The following ADGRE1 variants were observed in gnomAD, a reference collection of about 807,000 sequenced individuals.
ADGRE1 encodes the protein adhesion G protein-coupled receptor E1, also known as EGF-like module receptor 1.
Under a neutral mutation model 102.7 loss-of-function variants are expected in ADGRE1, and 82 were observed. The ratio of observed to expected loss-of-function variants is 0.80; its 90% CI spans 0.67 to 0.96. The LOEUF is 0.96. ADGRE1 is among the 40% of genes least tolerant of loss of function. ADGRE1 has a pLI of 0.00. For synonymous variants in ADGRE1, 398 were observed against 399.6 expected, an observed-to-expected ratio of 1.00 and a Z score of 0.05; for missense variants, 1,032 against 1,085.3, an observed-to-expected ratio of 0.95 and a Z score of 0.69.
rs200934502 is a variant in ADGRE1, at chr19:6,931,022, ATTCT to A, written c.2289+2816_2289+2819del. Among the ~76,000 whole-genome samples, 1,054 of 151,988 alleles carry A rather than the reference ATTCT, an allele frequency of 6.9e-3. 9 individuals carry two copies. The highest frequency in any genetic ancestry group is 0.025 in the African/African-American group (1,016 of 41,452). Reference sequence around the variant, plus strand: ...TGCTAACAAATACTAGATCTTATTCATTCTTTCTATTTTTTTGTACCCATTAACC... The same window carrying A: ...TGCTAACAAATACTAGATCTTATTCATTCTATTTTTTTGTACCCATTAACC... On this transcript the variant is annotated intron_variant, in intron 17 of 20. Transcript: ENST00000312053.
chr19:6,906,662 G>A (rs1341845370), intron 9 of ADGRE1, 141 bp downstream of exon 9: 3 of 675,888 alleles, frequency 4.4e-6, no homozygotes, highest in Non-Finnish European at 7.7e-6. Context: ...TCTGTAACCT[G>A]CTGAGTGTAA....
Position 6,926,402 on chromosome 19 carries a change from C to A in ADGRE1, c.2023C>A (p.Leu675Ile), listed in dbSNP as rs1599759556. The change falls in exon 16 of 21, where the codon CTT (leucine) becomes ATT (isoleucine). Residue 675 changes from leucine (L) to isoleucine (I), a missense_variant. Transcript: ENST00000312053. The stretch of plus-strand genomic sequence containing the variant: ...CATCATCGCGGGCTTCCTGCACTAC[C>A]TTTTCCTTGCCTGCTTCTTCTGGAT... Reference protein sequence around the residue: ...CAIIAGFLHYLFLACFFWMLV... With the variant: ...CAIIAGFLHYIFLACFFWMLV... 2 of 1,614,248 alleles carry A rather than the reference C, an allele frequency of 1.2e-6. No homozygotes were observed. The highest frequency in any genetic ancestry group is 1.7e-6 in the Non-Finnish European group (2 of 1,180,048).
At chr19:6,919,422 CT>C (rs1974536403) in intron 12 of ADGRE1, 125 bp from the exon 13 acceptor site, 5 of 602,310 alleles carry the variant, frequency 8.3e-6, no homozygotes, top group South Asian at 3.6e-5. Context: ...CTCTCTCTCT[CT>C]CTCTCCCCCT....
intron 10 of ADGRE1, among the ~76,000 whole-genome samples, chr19:6,912,843 A>T (rs562703627): frequency 6.6e-6 from 1 of 152,182 alleles, no homozygotes; most frequent in African/African-American, 2.4e-5. Flanking sequence ...CAGGAAGGGG[A>T]ATTGCTGTGT....
chr19:6,895,682 A>C (rs1392562154), intron 2 of ADGRE1: 2 of 152,148 alleles, frequency 1.3e-5, no homozygotes, highest in Admixed American at 1.3e-4. Context: ...TTGGGTAGCA[A>C]GGATCCAGAT....
chr19:6,915,028 C>A (rs1221742428), intron 11 of ADGRE1, among the ~76,000 whole-genome samples: 2 of 150,884 alleles, frequency 1.3e-5, no homozygotes, highest in African/African-American at 4.9e-5. Context: ...TTTCTTGAGA[C>A]AGGTTCTCAC....
At chr19:6,934,894 A>C (rs993165870) in intron 17 of ADGRE1, 93 bp from the exon 18 acceptor site, 4 of 800,726 alleles carry the variant, frequency 5.0e-6, no homozygotes, top group Non-Finnish European at 7.3e-6. Flanking sequence ...GACGTGAGCC[A>C]CCACGCCCAG....
rs1205108316 is a variant in ADGRE1 at position 6,934,410 on chromosome 19, CTTCTTCTTCTT to C, written c.2290-574_2290-564del. ...CTATAAATCGTGGGTCAGAATTCTT[CTTCTTCTTCTT>C]TTTTTTTTTTTTTTTTTTGAGACAC... On this transcript the variant is annotated intron_variant, in intron 17 of 20. Coordinates refer to ENST00000312053, the MANE Select transcript of ADGRE1 (RefSeq NM_001974.5). Among the ~76,000 whole-genome samples the C allele has an allele frequency of 2.1e-3, 297 of 139,528 alleles. 1 individual carries two copies. The South Asian group carries it at 0.023, about 11-fold the overall frequency. 91.5% of individuals were successfully genotyped at this position (139,528 alleles called of 152,430 possible).
In ADGRE1 at chr19:6,940,414, A is replaced by G. The variant is rs1975624501; in HGVS notation, c.*385A>G. 1 of 236,484 alleles carries G rather than the reference A, an allele frequency of 4.2e-6. No homozygotes were observed. Among genetic ancestry groups the G allele is most frequent in the Admixed American group, 5.0e-5 (1 of 19,860 alleles). The allele number at this position is 236,484 out of a possible 1,614,324, so 14.6% of individuals were successfully genotyped here. ...TACGCCTGATACAGAGAACCTCTCA[A>G]TAAATGATTTGTCGCCTGTCTGACT... On this transcript the variant is annotated 3_prime_UTR_variant, in exon 21 of 21. Coordinates refer to ENST00000312053, the MANE Select transcript of ADGRE1 (RefSeq NM_001974.5).
chr19:6,889,836 A>T (rs561224501), intron 1 of ADGRE1, among the ~76,000 whole-genome samples: 50 of 152,154 alleles, frequency 3.3e-4, no homozygotes, highest in African/African-American at 1.2e-3. Context: ...GCTTAAAAAG[A>T]TCTCTTCCTG....
chr19:6,913,473 C>T (rs1053126960), intron 10 of ADGRE1, among the ~76,000 whole-genome samples, 180 bp from the exon 11 acceptor site: 11 of 152,118 alleles, frequency 7.2e-5, no homozygotes, highest in African/African-American at 2.4e-5. Flanking sequence ...AGCCACTGCA[C>T]CCGGCCTGAA....
chr19:6,894,351 G>T (rs1973477550), intron 2 of ADGRE1, among the ~76,000 whole-genome samples: 1 of 152,094 alleles, frequency 6.6e-6, no homozygotes, highest in Non-Finnish European at 1.5e-5. Context: ...GGCCATGAAG[G>T]AGCAACTCAC....
chr19:6,905,545 G>A (rs1973922087), intron 8 of ADGRE1, among the ~76,000 whole-genome samples: 1 of 151,832 alleles, frequency 6.6e-6, no homozygotes, highest in Admixed American at 6.6e-5. Context: ...TAGAGATGGG[G>A]TTTCACCATG....
intron 10 of ADGRE1, 66 bp from the exon 11 acceptor site, chr19:6,913,587 A>C: frequency 7.0e-7 from 1 of 1,430,298 alleles, no homozygotes; most frequent in East Asian, 2.5e-5. Flanking sequence ...TAATCAGAAA[A>C]GGGACAGCTG....
intron 18 of ADGRE1, among the ~76,000 whole-genome samples, chr19:6,936,994 G>A (rs1307966298): frequency 2.0e-5 from 3 of 152,126 alleles, no homozygotes; most frequent in South Asian, 2.1e-4. Context: ...CTGTCCTCAG[G>A]TGACCTGCCC....
At chr19:6,929,334 C>T (rs931669167) in intron 17 of ADGRE1, among the ~76,000 whole-genome samples, 2 of 152,062 alleles carry the variant, frequency 1.3e-5, no homozygotes, top group African/African-American at 2.4e-5. Context: ...CTTGAGGGGG[C>T]GGTGTCTGAT....
intron 10 of ADGRE1, among the ~76,000 whole-genome samples, chr19:6,912,083 AAC>A (rs1285020049): frequency 2.6e-5 from 4 of 151,798 alleles, no homozygotes; most frequent in South Asian, 2.1e-4. Flanking sequence ...CACATACACA[AAC>A]ACACATATAT....
At chr19:6,932,424 C>T (rs1037534047) in intron 17 of ADGRE1, among the ~76,000 whole-genome samples, 1 of 152,024 alleles carries the variant, frequency 6.6e-6, no homozygotes, top group Non-Finnish European at 1.5e-5. Context: ...GCCGAGATGG[C>T]GCCACTGCCC....
At chr19:6,928,521 G>A in intron 17 of ADGRE1, 1 of 434,634 alleles carries the variant, frequency 2.3e-6, no homozygotes, top group South Asian at 2.9e-5. Flanking sequence ...CAGCTACTTA[G>A]GAGGCTGAGG....
Sources: gnomAD v4.1 joint callset for allele counts (sites outside exome capture counted in the v4.1 genomes callset) on GRCh38, gnomAD v4.1.1 for gene constraint, MANE v1.5 for transcripts, NCBI Gene and HGNC (gene_info 2026-07-23, HGNC 2026-07-21) for gene names.